DICER1: variants seen among roughly 807,000 people sequenced by gnomAD.
The protein encoded by DICER1 is endoribonuclease Dicer.
In DICER1, 43 loss-of-function variants were observed where a neutral mutation model predicts 194.1. That is an observed-to-expected ratio of 0.22 (90% CI 0.17 to 0.29). The LOEUF (loss-of-function observed/expected upper bound fraction) is 0.29. Among genes scored for constraint, DICER1 ranks in the 10% least tolerant of loss-of-function variants. DICER1 has a pLI of 1.00. For synonymous variants in DICER1, 832 were observed against 820.5 expected, an observed-to-expected ratio of 1.01 and a Z score of -0.24; for missense variants, 1,608 against 2,317.0, an observed-to-expected ratio of 0.69 and a Z score of 6.28.
chr14:95,120,891 T>C (rs1314469785), intron 8 of DICER1, among the ~76,000 whole-genome samples: 1 of 152,094 alleles, frequency 6.6e-6, no homozygotes, highest in Non-Finnish European at 1.5e-5. Flanking sequence ...CCTACCAGGG[T>C]GGGCTAGACT....
rs1288856698 is a variant in DICER1 at position 95,108,484 on chromosome 14, T to A, written c.2276A>T (p.Asp759Val). ...YPKAIPECLR[D>V]SYPRPDQPCY... ...GGGCTGATCAGGTCTGGGATAACTA[T>A]CCCTCAAACACTCTGGAATCTAGAG... Residue 759 changes from aspartate (D) to valine (V), a missense_variant, in exon 15 of 27, where the codon GAT (aspartate) becomes GTT (valine). Asp to Val is a radical substitution (Grantham distance 152, BLOSUM62 -3). This residue lies in a region of DICER1 where 657 missense variants were observed against 910.1 expected (regional missense o/e 0.72). Coordinates refer to ENST00000343455, the MANE Select transcript of DICER1 (RefSeq NM_177438.3). 3 of 1,614,014 alleles carry A rather than the reference T, an allele frequency of 1.9e-6. No individual in the cohort carries two copies. The Admixed American group carries it at 5.0e-5, about 27-fold the overall frequency.
chr14:95,137,083 G>C (rs887499890), intron 1 of DICER1, among the ~76,000 whole-genome samples: 1 of 151,430 alleles, frequency 6.6e-6, no homozygotes, highest in Non-Finnish European at 1.5e-5. Context: ...GGAAAAAAAG[G>C]AAAGAAGGGA....
chr14:95,112,103 T>G, intron 13 of DICER1, 69 bp downstream of exon 13: 1 of 1,359,512 alleles, frequency 7.4e-7, no homozygotes, highest in East Asian at 2.3e-5. Context: ...TATAAAGTCC[T>G]CTATATGCTT....
intron 22 of DICER1, among the ~76,000 whole-genome samples, chr14:95,099,301 A>AT (rs1224450937): frequency 0.029 from 4,241 of 147,406 alleles, 196 homozygotes; most frequent in African/African-American, 0.097. Flanking sequence ...TTTATGGATG[A>AT]TTTTTTTTTT....
At chr14:95,156,343 T>C (rs1895862559) in intron 1 of DICER1, among the ~76,000 whole-genome samples, 1 of 152,202 alleles carries the variant, frequency 6.6e-6, no homozygotes, top group Non-Finnish European at 1.5e-5. Context: ...CTAAGAACAC[T>C]TACTTATCGT....
chr14:95,102,580 T>C (rs1217646601), intron 21 of DICER1, among the ~76,000 whole-genome samples: 2 of 152,214 alleles, frequency 1.3e-5, no homozygotes, highest in African/African-American at 2.4e-5. Context: ...CCTCCATTAA[T>C]GCCATCCTTG....
rs1052053297 is a variant in DICER1 at position 95,089,190 on chromosome 14, G to A, written c.*1308C>T. 6.0e-5 allele frequency: 14 copies of A among 232,442 alleles called. No individual in the cohort carries two copies. Among genetic ancestry groups the A allele is most frequent in the Non-Finnish European group, 1.2e-4 (14 of 117,850 alleles). 14.4% of individuals were successfully genotyped at this position (232,442 alleles called of 1,614,324 possible). ...TCTAATTAAAGAAACTTAGGCAAAT[G>A]CCTAAAGAAGTTTTTTTTTTTTTCC... On this transcript the variant is annotated 3_prime_UTR_variant, in exon 27 of 27. Coordinates refer to ENST00000343455, the MANE Select transcript of DICER1 (RefSeq NM_177438.3).
intron 1 of DICER1, chr14:95,141,654 T>C (rs1475407744): frequency 6.6e-6 from 1 of 152,242 alleles, no homozygotes. Context: ...GGGGCAACCT[T>C]ATCACTACTT....
At position 95,133,399 on chromosome 14, in the gene DICER1, A is replaced by G. The variant is rs767378553; in HGVS notation, c.60T>C (p.Ala20=). The part of the protein sequence containing the change: ...SMAGLQLMTP[A]SSPMGPFFGL... ...CAAAGAAAGGACCCATTGGTGAGGA[A>G]GCAGGGGTCATGAGCTGCAGGCCTG... The change falls in exon 2 of 27, where the codon GCT becomes GCC. Residue 20 remains alanine, a synonymous_variant. Transcript: ENST00000343455. The G allele has an allele frequency of 1.2e-6, 2 of 1,614,092 alleles. No individual in the cohort carries two copies. Among genetic ancestry groups the G allele is most frequent in the South Asian group, 1.1e-5 (1 of 91,064 alleles).
chr14:95,088,468 A>C lies in DICER1; in HGVS notation c.*2030T>G, dbSNP rs539919178. The C allele has an allele frequency of 8.6e-6, 2 of 232,648 alleles. No individual in the cohort carries two copies. The highest frequency in any genetic ancestry group is 5.6e-5 in the Admixed American group (1 of 17,782). The allele number at this position is 232,648 out of a possible 1,614,324, so 14.4% of individuals were successfully genotyped here. A position where few individuals can be genotyped will look rare whatever the true frequency, so the allele number is the denominator to read the frequency against. The stretch of plus-strand genomic sequence containing the variant: ...TTAAACTTGATCACAAATCACCCTC[A>C]GAATAAAATTCACATCCAGCCTTGT... On this transcript the variant is annotated 3_prime_UTR_variant, in exon 27 of 27. Transcript: ENST00000343455.
At chr14:95,151,569 C>T (rs1355790086) in intron 1 of DICER1, among the ~76,000 whole-genome samples, 2 of 152,150 alleles carry the variant, frequency 1.3e-5, no homozygotes, top group Non-Finnish European at 2.9e-5. Context: ...ACTCAAGAGA[C>T]GTTGCCATAT....
chr14:95,094,886 C>T (rs1890168661), intron 23 of DICER1, among the ~76,000 whole-genome samples: 1 of 152,126 alleles, frequency 6.6e-6, no homozygotes. Context: ...CCGATGGTGA[C>T]TTGTCCCAGA....
At chr14:95,136,330 C>A (rs1000442804) in intron 1 of DICER1, among the ~76,000 whole-genome samples, 2 of 152,124 alleles carry the variant, frequency 1.3e-5, no homozygotes, top group Non-Finnish European at 2.9e-5. Context: ...CTCAACTCAG[C>A]GTGGTCTCAG....
intron 1 of DICER1, among the ~76,000 whole-genome samples, chr14:95,155,741 T>C (rs1175066041): frequency 1.3e-5 from 2 of 152,238 alleles, no homozygotes; most frequent in Non-Finnish European, 2.9e-5. Context: ...TTTGGTGCCG[T>C]GAGTAAATCT....
In DICER1 at chr14:95,113,102, G is replaced by C; in HGVS notation, c.2030C>G (p.Ala677Gly). 6.2e-7 allele frequency: 1 copy of C among 1,613,674 alleles called. No individual in the cohort carries two copies. Among genetic ancestry groups the C allele is most frequent in the Non-Finnish European group, 8.5e-7 (1 of 1,179,610 alleles). The change falls in exon 12 of 27, where the codon GCC becomes GGC. Residue 677 changes from alanine (A) to glycine (G), a missense_variant. Physicochemically the swap from Ala to Gly is moderately conservative, Grantham distance 60 (BLOSUM62 0). Coordinates refer to ENST00000343455, the MANE Select transcript of DICER1 (RefSeq NM_177438.3). ...LYLPINSPLR[A>G]SIVGPPMSCV... ...TTCTTCTAAACTTACAACAATGGAG[G>C]CTCGAAGAGGTGAGTTAATTGGCAG...
chr14:95,090,723 C>G (rs1889724380), intron 26 of DICER1, 60 bp from the exon 27 acceptor site: 1 of 1,594,660 alleles, frequency 6.3e-7, no homozygotes, highest in Admixed American at 1.7e-5. Context: ...CATTGTCAAT[C>G]AGCATTTAGT....
In DICER1 at chr14:95,090,266, A is replaced by C. The variant is rs981079616; in HGVS notation, c.*232T>G. On this transcript the variant is annotated 3_prime_UTR_variant, in exon 27 of 27. Coordinates refer to ENST00000343455, the MANE Select transcript of DICER1 (RefSeq NM_177438.3). ...TGATTTAAACAAAGCAGAAGTGAGG[A>C]AAGAAGATAAGATTGTGTTTGCGCA... 1.8e-6 allele frequency: 1 copy of C among 566,460 alleles called. No individual in the cohort carries two copies. Among genetic ancestry groups the C allele is most frequent in the Non-Finnish European group, 3.1e-6 (1 of 319,368 alleles). 35.1% of individuals were successfully genotyped at this position (566,460 alleles called of 1,614,324 possible).
At chr14:95,099,716 G>A in intron 22 of DICER1, 64 bp downstream of exon 22, 2 of 1,545,204 alleles carry the variant, frequency 1.3e-6, no homozygotes, top group South Asian at 1.2e-5. Context: ...TCACCGAAAA[G>A]TAAATCCCTC....
Position 95,108,343 on chromosome 14 carries a change from G to A in DICER1, c.2417C>T (p.Thr806Met), listed in dbSNP as rs749834289. 1.1e-5 allele frequency: 18 copies of A among 1,613,564 alleles called. No individual in the cohort carries two copies. Among genetic ancestry groups the A allele is most frequent in the South Asian group, 3.3e-5 (3 of 91,066 alleles). ...ACCTACCTGAGGTATGGGTTTGGCC[G>A]TCAGTATTCCAAAGCATCTTGTGGT... The part of the protein sequence containing the change: ...EDTTRCFGIL[T>M]AKPIPQIPHF... Residue 806 changes from threonine to methionine, a missense_variant, in exon 15 of 27, where the codon ACG becomes ATG. Physicochemically the swap from Thr to Met is moderately conservative, Grantham distance 81 (BLOSUM62 -1). Coordinates refer to ENST00000343455, the MANE Select transcript of DICER1 (RefSeq NM_177438.3).
Sources: gnomAD v4.1 joint callset for allele counts (sites outside exome capture counted in the v4.1 genomes callset) on GRCh38, gnomAD v4.1.1 for gene constraint, gnomAD v4.1.1 regional missense constraint, MANE v1.5 for transcripts, NCBI Gene and HGNC (gene_info 2026-07-23, HGNC 2026-07-21) for gene names.